DYM: variants seen among roughly 807,000 people sequenced by gnomAD.
DYM encodes the protein dyggve-Melchior-Clausen syndrome protein.
In DYM, 78 loss-of-function variants were observed where a neutral mutation model predicts 93.1. The ratio of observed to expected loss-of-function variants is 0.84; its 90% CI spans 0.70 to 1.01. The LOEUF is 1.01. DYM is among the 50% of genes least tolerant of loss of function. DYM has a pLI of 0.00. For synonymous variants in DYM, 321 were observed against 319.7 expected (o/e 1.00, Z -0.04); for missense variants, 789 against 845.0 (o/e 0.93, Z 0.82).
chr18:49,225,540 C>T (rs755354433), intron 13 of DYM, among the ~76,000 whole-genome samples: 3 of 151,930 alleles, frequency 2.0e-5, no homozygotes, highest in Non-Finnish European at 4.4e-5. Flanking sequence ...ATAATAGAGA[C>T]TATAATAATA....
chr18:49,458,481 T>G (rs1161508023), intron 1 of DYM, among the ~76,000 whole-genome samples: 1 of 152,190 alleles, frequency 6.6e-6, no homozygotes, highest in African/African-American at 2.4e-5. Flanking sequence ...TAAAGTACAG[T>G]AAATCTTTCT....
At chr18:49,447,670 G>A (rs539938161) in intron 1 of DYM, among the ~76,000 whole-genome samples, 3 of 152,228 alleles carry the variant, frequency 2.0e-5, no homozygotes, top group Admixed American at 6.5e-5. Flanking sequence ...GCCGCCAACC[G>A]CCCCAATGCG....
At chr18:49,048,811 A>G (rs1315044689) in intron 17 of DYM, among the ~76,000 whole-genome samples, 1 of 152,214 alleles carries the variant, frequency 6.6e-6, no homozygotes, top group Non-Finnish European at 1.5e-5. Flanking sequence ...TGGCACCCCC[A>G]TGACTATCCT....
rs180887470 is a variant in DYM, at chr18:49,249,746, C to T, written c.1460+7264G>A. Among the ~76,000 whole-genome samples, 133 of 151,878 alleles carry T rather than the reference C, an allele frequency of 8.8e-4. 6 individuals carry two copies. Among genetic ancestry groups the T allele is most frequent in the South Asian group, 8.3e-4 (4 of 4,818 alleles). On this transcript the variant is annotated intron_variant, in intron 13 of 17. Coordinates refer to ENST00000675505, the MANE Select transcript of DYM (RefSeq NM_001353214.3). ...AAAGGCAACTCATATAAAATGCCAGCTTGAGACTACTACACGGAAGTTGCA... is the reference window on the plus strand; with the variant it reads ...AAAGGCAACTCATATAAAATGCCAGTTTGAGACTACTACACGGAAGTTGCA...
At chr18:49,325,036 G>C (rs1170937757) in intron 8 of DYM, among the ~76,000 whole-genome samples, 2 of 152,136 alleles carry the variant, frequency 1.3e-5, no homozygotes, top group African/African-American at 4.8e-5. Flanking sequence ...AGGATGTCCA[G>C]GAGTGGGAGA....
intron 2 of DYM, among the ~76,000 whole-genome samples, chr18:49,427,794 G>T (rs2074426385): frequency 6.6e-6 from 1 of 152,154 alleles, no homozygotes; most frequent in African/African-American, 2.4e-5. Flanking sequence ...CAATAAAAAG[G>T]AATGGAGGCT....
intron 1 of DYM, among the ~76,000 whole-genome samples, chr18:49,452,047 G>A (rs1208567994): frequency 6.6e-6 from 1 of 152,128 alleles, no homozygotes; most frequent in African/African-American, 2.4e-5. Flanking sequence ...GTTATACATG[G>A]CAGTGTGTCT....
At chr18:49,374,692 CT>C (rs2067327734) in intron 5 of DYM, among the ~76,000 whole-genome samples, 1 of 152,180 alleles carries the variant, frequency 6.6e-6, no homozygotes, top group African/African-American at 2.4e-5. Flanking sequence ...GGCCCAGTGG[CT>C]CACACCTGTA....
chr18:49,224,148 A>C (rs1299392682), intron 13 of DYM, among the ~76,000 whole-genome samples: 1 of 152,104 alleles, frequency 6.6e-6, no homozygotes, highest in Non-Finnish European at 1.5e-5. Context: ...GGCAGGTGAC[A>C]GGGAGTGTCA....
intron 8 of DYM, among the ~76,000 whole-genome samples, chr18:49,319,618 T>C (rs2062309453): frequency 6.6e-6 from 1 of 152,202 alleles, no homozygotes; most frequent in Non-Finnish European, 1.5e-5. Flanking sequence ...TATTTAAATG[T>C]GACAAAAGCC....
chr18:49,149,857 C>T (rs576102500), intron 15 of DYM, among the ~76,000 whole-genome samples: 1 of 151,968 alleles, frequency 6.6e-6, no homozygotes. Context: ...CAGGCGCGCA[C>T]CACCATGCCT....
rs1316879146 is a variant in DYM, at chr18:49,282,030, T to A, written c.1092A>T (p.Thr364=). 6.2e-7 allele frequency: 1 copy of A among 1,614,018 alleles called. No individual in the cohort carries two copies. The highest frequency in any genetic ancestry group is 1.7e-5 in the Admixed American group (1 of 60,016). ...TLLHQNSNIR[T]YMLARTDMEN... ...CCATATCTGTGCGAGCCAACATGTA[T>A]GTTCTAATATTACTATTTTGATGGA... is the stretch of plus-strand genomic sequence containing the variant. The change falls in exon 10 of 18, where the codon ACA becomes ACT. Residue 364 remains threonine, a synonymous_variant. Coordinates refer to ENST00000675505, the MANE Select transcript of DYM (RefSeq NM_001353214.3).
intron 1 of DYM, among the ~76,000 whole-genome samples, chr18:49,449,768 T>G (rs1203933932): frequency 6.6e-6 from 1 of 152,214 alleles, no homozygotes; most frequent in Non-Finnish European, 1.5e-5. Context: ...ACCAATCTGG[T>G]GTGCTTTGTG....
At chr18:49,413,884 C>G (rs1208027474) in intron 2 of DYM, among the ~76,000 whole-genome samples, 1 of 152,096 alleles carries the variant, frequency 6.6e-6, no homozygotes, top group African/African-American at 2.4e-5. Flanking sequence ...GTGGTGCACA[C>G]TTGTAATCCC....
intron 15 of DYM, among the ~76,000 whole-genome samples, chr18:49,135,887 C>T (rs533812310): frequency 6.6e-6 from 1 of 152,340 alleles, no homozygotes; most frequent in African/African-American, 2.4e-5. Flanking sequence ...ATACAGGTAA[C>T]CCTGACTGGA....
chr18:49,217,822 G>A (rs1032719066), intron 13 of DYM, among the ~76,000 whole-genome samples: 2 of 152,270 alleles, frequency 1.3e-5, no homozygotes, highest in African/African-American at 2.4e-5. Flanking sequence ...AAAGACCGTC[G>A]AGGCTGGGAA....
chr18:49,229,513 C>G (rs1315727545), intron 13 of DYM, among the ~76,000 whole-genome samples: 2 of 152,096 alleles, frequency 1.3e-5, no homozygotes, highest in Non-Finnish European at 2.9e-5. Flanking sequence ...CAAAAGAACA[C>G]ATGAAAAGAT....
chr18:49,054,048 A>C (rs1170691677), intron 17 of DYM, among the ~76,000 whole-genome samples: 1 of 152,202 alleles, frequency 6.6e-6, no homozygotes, highest in Admixed American at 6.5e-5. Flanking sequence ...TCTGGGAGAA[A>C]TAATGAATCA....
chr18:49,381,548 A>C (rs1207406363), intron 3 of DYM, among the ~76,000 whole-genome samples: 1 of 152,136 alleles, frequency 6.6e-6, no homozygotes, highest in Non-Finnish European at 1.5e-5. Flanking sequence ...GGTCCACCAT[A>C]CTCCTAACTG....
Sources: allele counts gnomAD v4.1 joint callset (sites outside exome capture counted in the v4.1 genomes callset), GRCh38; gene constraint gnomAD v4.1.1; transcripts MANE v1.5; gene names NCBI Gene and HGNC (gene_info 2026-07-23, HGNC 2026-07-21).